Variants in ITPR1 observed in about 807,000 individuals in gnomAD.
ITPR1 encodes the protein inositol 1,4,5-trisphosphate-gated calcium channel ITPR1.
In ITPR1, 96 loss-of-function variants were observed where a neutral mutation model predicts 318.4. That is an observed-to-expected ratio of 0.30 (90% confidence interval 0.26 to 0.36). ITPR1 has a LOEUF of 0.36. Among genes scored for constraint, ITPR1 ranks in the 10% least tolerant of loss-of-function variants. The pLI, the probability that ITPR1 is intolerant of heterozygous loss-of-function variation, is 1.00. For missense variants in ITPR1, 2,440 were observed against 3,460.2 expected (o/e 0.71, Z 7.40); for synonymous variants, 1,312 against 1,289.9 (o/e 1.02, Z -0.37).
chr3:4,688,951 A>T (rs2094439366), intron 31 of ITPR1, among the ~76,000 whole-genome samples: 7 of 152,238 alleles, frequency 4.6e-5, no homozygotes, highest in Non-Finnish European at 1.0e-4. Flanking sequence ...TACTGAAGTC[A>T]TGCATAAAGT....
rs1238121434 is a variant in ITPR1, at chr3:4,846,577, A to C, written c.*352A>C. On this transcript the variant is annotated 3_prime_UTR_variant, in exon 62 of 62. Coordinates refer to ENST00000649015, the MANE Select transcript of ITPR1 (RefSeq NM_001378452.1). ...ATAGCCAGTATTTATGTTTTTTATAAAACTGTGCAATACGAATTATGCAAT... is the reference window on the plus strand; with the variant it reads ...ATAGCCAGTATTTATGTTTTTTATACAACTGTGCAATACGAATTATGCAAT... 1 of 169,152 alleles carries C rather than the reference A, an allele frequency of 5.9e-6. No homozygotes were observed. 10.5% of individuals were successfully genotyped at this position (169,152 alleles called of 1,614,324 possible). A position where few individuals can be genotyped will look rare whatever the true frequency, so the allele number is the denominator to read the frequency against.
At position 4,512,474 on chromosome 3, in the gene ITPR1, C is replaced by A. The variant is rs140306590; in HGVS notation, c.-16-4002C>A. Among the ~76,000 whole-genome samples the A allele has an allele frequency of 2.8e-3, 425 of 152,162 alleles. 6 individuals carry two copies. The highest frequency in any genetic ancestry group is 0.019 in the Admixed American group (290 of 15,290). Reference sequence around the variant, plus strand: ...CTGTGGCTGGCAGTTGAGTGTAATTCGCTATTGTTCACCTTTTTTCATCAG... The same window carrying A: ...CTGTGGCTGGCAGTTGAGTGTAATTAGCTATTGTTCACCTTTTTTCATCAG... On this transcript the variant is annotated intron_variant, in intron 2 of 61. Transcript: ENST00000649015.
intron 61 of ITPR1, 100 bp downstream of exon 61, chr3:4,837,035 A>G (rs2050973866): frequency 6.4e-6 from 7 of 1,096,058 alleles, no homozygotes; most frequent in Non-Finnish European, 7.4e-6. Context: ...GTAGTGCTTC[A>G]TCTAGATGGA....
At chr3:4,765,747 C>T (rs557019185) in intron 44 of ITPR1, among the ~76,000 whole-genome samples, 8 of 151,954 alleles carry the variant, frequency 5.3e-5, no homozygotes, top group South Asian at 4.2e-4. Context: ...GGGTGAAAAG[C>T]GAATACTCAT....
chr3:4,681,502 A>G, intron 26 of ITPR1, 84 bp downstream of exon 26: 1 of 931,426 alleles, frequency 1.1e-6, no homozygotes, highest in Non-Finnish European at 1.8e-6. Context: ...ATGTTAGTAA[A>G]TATTTAGTCT....
chr3:4,725,408 G>A (rs941841669), intron 40 of ITPR1, 138 bp from the exon 41 acceptor site: 22 of 706,646 alleles, frequency 3.1e-5, no homozygotes, highest in South Asian at 2.7e-4. Context: ...AGCCCACTTC[G>A]GCAGGTGATC....
intron 50 of ITPR1, among the ~76,000 whole-genome samples, chr3:4,783,498 G>A (rs917551841): frequency 3.3e-5 from 5 of 152,060 alleles, no homozygotes; most frequent in African/African-American, 7.2e-5. Flanking sequence ...ATCTGCCACC[G>A]AGAAGGTTTC....
At chr3:4,596,957 G>A (rs1184674403) in intron 4 of ITPR1, among the ~76,000 whole-genome samples, 2 of 152,192 alleles carry the variant, frequency 1.3e-5, no homozygotes, top group East Asian at 3.8e-4. Context: ...GGGGTTTGCC[G>A]CTTACTGTAT....
Position 4,567,646 on chromosome 3 carries a change from C to T in ITPR1, c.163+46552C>T, listed in dbSNP as rs573011000. Among the ~76,000 whole-genome samples, 32 of 152,084 alleles carry T rather than the reference C, an allele frequency of 2.1e-4. No homozygotes were observed. In the South Asian group the frequency reaches 6.4e-3, roughly 31 times the overall value. On this transcript the variant is annotated intron_variant, in intron 4 of 61. Coordinates refer to ENST00000649015, the MANE Select transcript of ITPR1 (RefSeq NM_001378452.1). ...TTTGAGACGGGGTCTTACTCTGCCA[C>T]CCAGGCTGGAGTGCATGCTGCCATC... is the stretch of plus-strand genomic sequence containing the variant.
At chr3:4,839,456 G>C (rs2051177421) in intron 61 of ITPR1, among the ~76,000 whole-genome samples, 1 of 152,184 alleles carries the variant, frequency 6.6e-6, no homozygotes, top group Non-Finnish European at 1.5e-5. Flanking sequence ...GCCAGGGCAG[G>C]AGCTCCTGAT....
chr3:4,761,459 G>A (rs1207944866), intron 44 of ITPR1, among the ~76,000 whole-genome samples: 1 of 152,174 alleles, frequency 6.6e-6, no homozygotes, highest in Non-Finnish European at 1.5e-5. Context: ...TTTTATGGCT[G>A]TGTAGTATTC....
intron 2 of ITPR1, among the ~76,000 whole-genome samples, chr3:4,496,571 T>G (rs1443710677): frequency 6.6e-6 from 1 of 152,146 alleles, no homozygotes; most frequent in Non-Finnish European, 1.5e-5. Context: ...GAATGAGAAG[T>G]GGAATGGTTG....
intron 1 of ITPR1, 118 bp from the exon 2 acceptor site, chr3:4,494,313 G>T (rs541506867): frequency 6.6e-6 from 1 of 152,408 alleles, no homozygotes; most frequent in South Asian, 2.1e-4. Context: ...TTGGGGGCGG[G>T]GGGGCTGTCC....
chr3:4,760,549 C>G (rs972196535), intron 44 of ITPR1, among the ~76,000 whole-genome samples: 15 of 152,132 alleles, frequency 9.9e-5, no homozygotes, highest in African/African-American at 3.4e-4. Flanking sequence ...GTAACAAATT[C>G]CTACAAACTG....
chr3:4,622,665 G>A (rs545161505), intron 4 of ITPR1, among the ~76,000 whole-genome samples: 6 of 152,156 alleles, frequency 3.9e-5, no homozygotes, highest in South Asian at 4.1e-4. Context: ...CTCCTGTCTC[G>A]GCCTCCCAAA....
chr3:4,578,634 C>T (rs9837857), intron 4 of ITPR1, among the ~76,000 whole-genome samples: 27,113 of 152,012 alleles, frequency 0.18, 2,925 homozygotes, highest in African/African-American at 0.31. Flanking sequence ...ATTTGAGTTA[C>T]CGTTGTTCAT....
At chr3:4,700,252 A>G (rs191871032) in intron 35 of ITPR1, among the ~76,000 whole-genome samples, 33 of 152,298 alleles carry the variant, frequency 2.2e-4, no homozygotes, top group African/African-American at 7.7e-4. Context: ...AACATCTAGC[A>G]CAGTGCCTGA....
At chr3:4,742,433 A>G (rs1229497966) in intron 44 of ITPR1, among the ~76,000 whole-genome samples, 3 of 151,836 alleles carry the variant, frequency 2.0e-5, no homozygotes, top group Non-Finnish European at 4.4e-5. Flanking sequence ...TGCCTCCTAT[A>G]TGCCCACCTC....
At chr3:4,651,378 C>A (rs1403071772) in intron 10 of ITPR1, among the ~76,000 whole-genome samples, 6 of 152,172 alleles carry the variant, frequency 3.9e-5, no homozygotes, top group Non-Finnish European at 1.5e-5. Flanking sequence ...GATCTGTCTC[C>A]TTAACTCCAT....
Sources: gnomAD v4.1 joint callset for allele counts (sites outside exome capture counted in the v4.1 genomes callset) on GRCh38, gnomAD v4.1.1 for gene constraint, MANE v1.5 for transcripts, NCBI Gene and HGNC (gene_info 2026-07-23, HGNC 2026-07-21) for gene names.